Variants in DNAJB13 observed in about 807,000 individuals in gnomAD.
DNAJB13 encodes dnaJ homolog subfamily B member 13.
Under a neutral mutation model 35.6 loss-of-function variants are expected in DNAJB13, and 22 were observed. The ratio of observed to expected loss-of-function variants is 0.62; its 90% CI spans 0.44 to 0.88. The LOEUF is 0.88. DNAJB13 is among the 40% of genes least tolerant of loss of function. DNAJB13 has a pLI of 0.00. For missense variants in DNAJB13, 370 were observed against 384.3 expected (o/e 0.96, Z 0.31); for synonymous variants, 136 against 144.2 (o/e 0.94, Z 0.41).
At chr11:73,954,026 A>T (rs193199354) in intron 1 of DNAJB13, among the ~76,000 whole-genome samples, 85 of 141,484 alleles carry the variant, frequency 6.0e-4, no homozygotes, top group African/African-American at 2.2e-3. Flanking sequence ...AATAATAATA[A>T]TAATAATAAT....
At chr11:73,958,478 G>C in intron 2 of DNAJB13, 58 bp downstream of exon 2, 2 of 1,508,626 alleles carry the variant, frequency 1.3e-6, no homozygotes, top group Non-Finnish European at 1.8e-6. Flanking sequence ...TAAGTCTCTA[G>C]ACTGTTGGGT....
chr11:73,964,736 A>G (rs566376042), intron 3 of DNAJB13, 142 bp from the exon 4 acceptor site: 4 of 897,414 alleles, frequency 4.5e-6, no homozygotes, highest in Non-Finnish European at 5.2e-6. Context: ...GACACTGAAG[A>G]GGTTGGGGAG....
At chr11:73,965,609 C>T (rs77674518) in intron 4 of DNAJB13, 7,576 of 161,138 alleles carry the variant, frequency 0.047, 201 homozygotes, top group Middle Eastern at 0.09. Flanking sequence ...TGCGGCCATG[C>T]TTTCCACAGA....
intron 5 of DNAJB13, chr11:73,967,885 G>A (rs1282551969): frequency 1.9e-5 from 4 of 213,702 alleles, no homozygotes; most frequent in East Asian, 2.1e-4. Context: ...TGTCTTGAGC[G>A]TGCTGAGGAT....
Position 73,970,100 on chromosome 11 carries a change from G to C in DNAJB13, c.937G>C (p.Ala313Pro), listed in dbSNP as rs1194944801. The C allele has an allele frequency of 1.2e-6, 2 of 1,606,224 alleles. No individual in the cohort carries two copies. Among genetic ancestry groups the C allele is most frequent in the Non-Finnish European group, 8.5e-7 (1 of 1,175,886 alleles). ...TPQKKQMLRQ[A>P]LLT Reference sequence around the variant, plus strand: ...CCAGAAGAAGCAGATGCTGCGCCAGGCATTGCTGACATGACTGTGGTGGGC... The same window carrying C: ...CCAGAAGAAGCAGATGCTGCGCCAGCCATTGCTGACATGACTGTGGTGGGC... The change falls in exon 8 of 8, where the codon GCA becomes CCA. Residue 313 changes from alanine to proline, a missense_variant. Ala to Pro is a conservative substitution (Grantham distance 27). Coordinates refer to ENST00000339764, the MANE Select transcript of DNAJB13 (RefSeq NM_153614.4).
chr11:73,952,049 C>T (rs1950600047), intron 1 of DNAJB13, among the ~76,000 whole-genome samples: 1 of 152,102 alleles, frequency 6.6e-6, no homozygotes, highest in South Asian at 2.1e-4. Context: ...AGATAAATGT[C>T]GGAATCCGAC....
intron 3 of DNAJB13, chr11:73,964,057 C>G (rs967262573): frequency 1.3e-5 from 2 of 152,186 alleles, no homozygotes; most frequent in African/African-American, 4.8e-5. Context: ...GCATAGTAAG[C>G]TCTCAGCAAG....
At position 73,970,190 on chromosome 11, in the gene DNAJB13, T is replaced by C; in HGVS notation, c.*76T>C. ...ACCCCTACCCGCCACAGCCTCAGGG[T>C]GTGCAGGGGAGCCTGCTGCACAGAT... On this transcript the variant is annotated 3_prime_UTR_variant, in exon 8 of 8. Transcript: ENST00000339764. 1.3e-6 allele frequency: 2 copies of C among 1,510,902 alleles called. No individual in the cohort carries two copies. The highest frequency in any genetic ancestry group is 1.8e-4 in the Middle Eastern group (1 of 5,624). 93.6% of individuals were successfully genotyped at this position (1,510,902 alleles called of 1,614,324 possible).
rs149049180 is a variant in DNAJB13 at position 73,969,411 on chromosome 11, T to G, written c.797+89T>G. On this transcript the variant is annotated intron_variant, in intron 7 of 7. Coordinates refer to ENST00000339764, the MANE Select transcript of DNAJB13 (RefSeq NM_153614.4). ...GTGTGACAGGTCTGCCCAGTAGAGT[T>G]GTACAGGCTGCCCCCAGCAGAAGGG... The G allele has an allele frequency of 5.6e-5, 44 of 789,302 alleles. No homozygotes were observed. In the African/African-American group the frequency reaches 6.4e-4, roughly 11 times the overall value. 48.9% of individuals were successfully genotyped at this position (789,302 alleles called of 1,614,324 possible).
intron 1 of DNAJB13, among the ~76,000 whole-genome samples, chr11:73,951,619 G>A (rs894729420): frequency 6.6e-6 from 1 of 152,130 alleles, no homozygotes; most frequent in Admixed American, 6.6e-5. Flanking sequence ...GCCTACAACA[G>A]GAGTCAGTAC....
intron 1 of DNAJB13, among the ~76,000 whole-genome samples, chr11:73,956,739 GT>G (rs1950752116): frequency 6.7e-6 from 1 of 148,290 alleles, no homozygotes; most frequent in African/African-American, 2.5e-5. Flanking sequence ...GGAAGCAGAG[GT>G]TGTAGTGAGT....
intron 5 of DNAJB13, 78 bp downstream of exon 5, chr11:73,966,329 G>A (rs1301019042): frequency 2.2e-6 from 3 of 1,380,770 alleles, no homozygotes; most frequent in Admixed American, 1.9e-5. Flanking sequence ...GGAAGGGAAA[G>A]GAGGCAATAC....
At chr11:73,963,547 C>T (rs945845604) in intron 3 of DNAJB13, 1 of 152,196 alleles carries the variant, frequency 6.6e-6, no homozygotes, top group African/African-American at 2.4e-5. Context: ...GTGCTCCACC[C>T]CAAGGGTTCC....
rs533147043 is a variant in DNAJB13 at position 73,968,004 on chromosome 11, T to C, written c.607-341T>C. The C allele has an allele frequency of 1.3e-5, 6 of 449,810 alleles. No individual in the cohort carries two copies. In the Admixed American group the frequency reaches 1.9e-4, roughly 14 times the overall value. 27.9% of individuals were successfully genotyped at this position (449,810 alleles called of 1,614,324 possible). On this transcript the variant is annotated intron_variant, in intron 5 of 7. Coordinates refer to ENST00000339764, the MANE Select transcript of DNAJB13 (RefSeq NM_153614.4). Reference sequence around the variant, plus strand: ...AAGTTTGGGACAGGGGTGTCATGCCTGGAGTTACTAGCAAGACAGAGACAT... The same window carrying C: ...AAGTTTGGGACAGGGGTGTCATGCCCGGAGTTACTAGCAAGACAGAGACAT...
chr11:73,952,003 A>G (rs997205915), intron 1 of DNAJB13, among the ~76,000 whole-genome samples: 108 of 152,200 alleles, frequency 7.1e-4, no homozygotes, highest in Non-Finnish European at 2.2e-4. Flanking sequence ...AAGGGTTGAG[A>G]GGGTACTTCA....
intron 7 of DNAJB13, among the ~76,000 whole-genome samples, chr11:73,969,594 C>G (rs971103309): frequency 7.2e-5 from 11 of 152,344 alleles, no homozygotes; most frequent in Admixed American, 7.2e-4. Context: ...AGCCTCCATG[C>G]CCTGCAAACT....
chr11:73,964,813 G>GCGCGCGCC (rs1951048478), intron 3 of DNAJB13, 65 bp from the exon 4 acceptor site: 3 of 992,290 alleles, frequency 3.0e-6, no homozygotes, highest in African/African-American at 2.7e-5. Context: ...GTGTGTGTGT[G>GCGCGCGCC]CGCGCGCGCG....
At chr11:73,958,564 A>G (rs982745298) in intron 2 of DNAJB13, 144 bp downstream of exon 2, 1 of 804,778 alleles carries the variant, frequency 1.2e-6, no homozygotes, top group African/African-American at 1.7e-5. Context: ...AAGACAGAAT[A>G]CGGACCCGCC....
At chr11:73,968,675 C>T (rs1951194161) in intron 6 of DNAJB13, among the ~76,000 whole-genome samples, 1 of 152,214 alleles carries the variant, frequency 6.6e-6, no homozygotes, top group Non-Finnish European at 1.5e-5. Context: ...CTCCCCACTT[C>T]TCATCTCCTC....
Sources: gnomAD v4.1 joint callset for allele counts (sites outside exome capture counted in the v4.1 genomes callset) on GRCh38, gnomAD v4.1.1 for gene constraint, MANE v1.5 for transcripts, NCBI Gene and HGNC (gene_info 2026-07-23, HGNC 2026-07-21) for gene names.